The following CSMD3 variants were observed in gnomAD, a reference collection of about 807,000 sequenced individuals.
CSMD3 encodes the protein CUB and Sushi multiple domains 3.
In CSMD3, 177 loss-of-function variants were observed where a neutral mutation model predicts 435.2. The ratio of observed to expected loss-of-function variants is 0.41; its 90% CI spans 0.36 to 0.46. CSMD3 has a LOEUF of 0.46. Among genes scored for constraint, CSMD3 ranks in the 20% least tolerant of loss-of-function variants. The pLI, the probability that CSMD3 is intolerant of heterozygous loss-of-function variation, is 0.34. For missense variants in CSMD3, 4,265 were observed against 4,504.6 expected (o/e 0.95, Z 1.52); for synonymous variants, 1,656 against 1,520.5 (o/e 1.09, Z -2.07).
At chr8:112,477,263 G>C (rs1330548948) in intron 31 of CSMD3, among the ~76,000 whole-genome samples, 1 of 151,980 alleles carries the variant, frequency 6.6e-6, no homozygotes, top group African/African-American at 2.4e-5. Flanking sequence ...ACATTTGGGG[G>C]CAATACTATG....
At chr8:112,694,308 T>G (rs2076205305) in intron 13 of CSMD3, among the ~76,000 whole-genome samples, 1 of 152,092 alleles carries the variant, frequency 6.6e-6, no homozygotes, top group South Asian at 2.1e-4. Context: ...AGAACAAAAC[T>G]TGTGTTTGAG....
chr8:112,597,658 G>C lies in CSMD3; in HGVS notation c.3716-10423C>G, dbSNP rs537816603. Among the ~76,000 whole-genome samples, 14 of 131,136 alleles carry C rather than the reference G, an allele frequency of 1.1e-4. 1 individual carries two copies. The South Asian group carries it at 2.9e-3, about 27-fold the overall frequency. 86.0% of individuals were successfully genotyped at this position (131,136 alleles called of 152,430 possible). A position where few individuals can be genotyped will look rare whatever the true frequency, so the allele number is the denominator to read the frequency against. ...ACCGAATCCAGTAGCACATCGAAAA[G>C]CTTATCCACCATGATCAAGTGGGCT... On this transcript the variant is annotated intron_variant, in intron 22 of 70. Coordinates refer to ENST00000297405, the MANE Select transcript of CSMD3 (RefSeq NM_198123.2).
At chr8:112,557,408 T>A (rs947035833) in intron 24 of CSMD3, among the ~76,000 whole-genome samples, 1 of 151,978 alleles carries the variant, frequency 6.6e-6, no homozygotes, top group Non-Finnish European at 1.5e-5. Context: ...TAAGTTTCTA[T>A]AATGAAGTTG....
intron 12 of CSMD3, among the ~76,000 whole-genome samples, chr8:112,822,259 A>G (rs2079550197): frequency 6.6e-6 from 1 of 152,032 alleles, no homozygotes; most frequent in African/African-American, 2.4e-5. Flanking sequence ...CATTTTCACG[A>G]TATTGATTCT....
At chr8:112,282,723 A>G (rs1563734455) in intron 58 of CSMD3, among the ~76,000 whole-genome samples, 1 of 152,122 alleles carries the variant, frequency 6.6e-6, no homozygotes, top group Non-Finnish European at 1.5e-5. Flanking sequence ...AAGTAAAATT[A>G]ACTTAAAATG....
At chr8:112,831,160 T>C (rs56283103) in intron 11 of CSMD3, among the ~76,000 whole-genome samples, 2,011 of 152,328 alleles carry the variant, frequency 0.013, 46 homozygotes, top group African/African-American at 0.046. Context: ...ACAATTGTTT[T>C]GGCCAAGTTT....
intron 3 of CSMD3, among the ~76,000 whole-genome samples, chr8:113,211,679 A>G (rs113339821): frequency 1.3e-5 from 2 of 152,142 alleles, no homozygotes; most frequent in South Asian, 4.1e-4. Flanking sequence ...ACAGAGGAAG[A>G]CTCCGTCTCA....
At chr8:112,803,621 T>G (rs1587343557) in intron 12 of CSMD3, among the ~76,000 whole-genome samples, 1 of 152,264 alleles carries the variant, frequency 6.6e-6, no homozygotes, top group South Asian at 2.1e-4. Flanking sequence ...AAAAATAGTC[T>G]TAGTCTAATA....
At chr8:113,118,010 T>C (rs2090886856) in intron 4 of CSMD3, among the ~76,000 whole-genome samples, 1 of 152,190 alleles carries the variant, frequency 6.6e-6, no homozygotes, top group Non-Finnish European at 1.5e-5. Flanking sequence ...GGAATCGGAC[T>C]TTTTGGGTTA....
intron 35 of CSMD3, among the ~76,000 whole-genome samples, chr8:112,403,926 T>C (rs978405722): frequency 6.6e-6 from 1 of 152,222 alleles, no homozygotes; most frequent in Non-Finnish European, 1.5e-5. Context: ...TTTTAAATTA[T>C]TTTTTGTAAG....
chr8:112,556,498 C>G (rs949962888), intron 25 of CSMD3, among the ~76,000 whole-genome samples: 1 of 151,748 alleles, frequency 6.6e-6, no homozygotes, highest in Non-Finnish European at 1.5e-5. Flanking sequence ...CATTTTATGT[C>G]GAGGTAGCAG....
At chr8:112,237,065 TG>T in intron 67 of CSMD3, 124 bp downstream of exon 67, 1 of 1,077,184 alleles carries the variant, frequency 9.3e-7, no homozygotes, top group Non-Finnish European at 1.4e-6. Flanking sequence ...TGAATATGAA[TG>T]TCATCAAAAG....
intron 27 of CSMD3, among the ~76,000 whole-genome samples, chr8:112,522,944 T>A (rs1824453819): frequency 6.6e-6 from 1 of 151,950 alleles, no homozygotes; most frequent in African/African-American, 2.4e-5. Flanking sequence ...GAAATATGGA[T>A]GATTACTTGA....
intron 17 of CSMD3, among the ~76,000 whole-genome samples, chr8:112,663,143 C>G (rs910723555): frequency 6.6e-6 from 1 of 152,058 alleles, no homozygotes; most frequent in Non-Finnish European, 1.5e-5. Flanking sequence ...TGGGTATATA[C>G]CCAAAGGATT....
At chr8:112,229,820 G>T (rs1452832896) in intron 69 of CSMD3, among the ~76,000 whole-genome samples, 3 of 151,480 alleles carry the variant, frequency 2.0e-5, no homozygotes, top group Non-Finnish European at 2.9e-5. Flanking sequence ...CATAGCGGTA[G>T]TAGGATGGAC....
intron 24 of CSMD3, among the ~76,000 whole-genome samples, chr8:112,572,792 G>T (rs112708309): frequency 6.6e-6 from 1 of 152,040 alleles, no homozygotes; most frequent in Non-Finnish European, 1.5e-5. Flanking sequence ...AATCCTGAAC[G>T]GAGTAGAAAA....
chr8:113,242,964 A>G (rs545664923), intron 3 of CSMD3, among the ~76,000 whole-genome samples: 1 of 152,108 alleles, frequency 6.6e-6, no homozygotes, highest in South Asian at 2.1e-4. Context: ...TTCACAGCCT[A>G]TTTAAAGTTA....
chr8:112,709,787 G>A lies in CSMD3; in HGVS notation c.1973-19737C>T, dbSNP rs73344646. On this transcript the variant is annotated intron_variant, in intron 13 of 70. Coordinates refer to ENST00000297405, the MANE Select transcript of CSMD3 (RefSeq NM_198123.2). Reference sequence around the variant, plus strand: ...GAAAGTGTAAGGGCAAGCACAAAACGAAAAGAGGCTTAATTTTTTAGGGTT... The same window carrying A: ...GAAAGTGTAAGGGCAAGCACAAAACAAAAAGAGGCTTAATTTTTTAGGGTT... Among the ~76,000 whole-genome samples, 864 of 152,010 alleles carry A rather than the reference G, an allele frequency of 5.7e-3. 3 individuals carry two copies. The highest frequency in any genetic ancestry group is 0.019 in the African/African-American group (800 of 41,480).
intron 54 of CSMD3, among the ~76,000 whole-genome samples, chr8:112,294,126 A>T (rs1201523660): frequency 6.6e-6 from 1 of 152,066 alleles, no homozygotes; most frequent in Non-Finnish European, 1.5e-5. Context: ...TTTCATTGTC[A>T]GCTAGATATT....
Sources: gnomAD v4.1 joint callset for allele counts (sites outside exome capture counted in the v4.1 genomes callset) on GRCh38, gnomAD v4.1.1 for gene constraint, MANE v1.5 for transcripts, NCBI Gene and HGNC (gene_info 2026-07-23, HGNC 2026-07-21) for gene names.